POLE: variants seen among roughly 807,000 people sequenced by gnomAD.
POLE encodes the protein DNA polymerase epsilon, catalytic subunit, also known as DNA polymerase epsilon catalytic subunit A.
A neutral mutation model predicts 279.2 loss-of-function variants in POLE; 188 were observed. The observed-to-expected ratio is 0.67, with a 90% confidence interval of 0.60 to 0.76. The LOEUF is 0.76. Among genes scored for constraint, POLE ranks in the 30% least tolerant of loss-of-function variants. The probability of loss-of-function intolerance (pLI) is 0.00; values close to 1 mark genes in which losing one functional copy is unlikely to be tolerated. For synonymous variants in POLE, 1,214 were observed against 1,172.5 expected, an observed-to-expected ratio of 1.04 and a Z score of -0.72; for missense variants, 2,703 against 3,016.7, an observed-to-expected ratio of 0.90 and a Z score of 2.44.
intron 26 of POLE, 83 bp from the exon 27 acceptor site, chr12:132,658,053 G>A (rs932179337): frequency 8.9e-5 from 78 of 880,562 alleles, no homozygotes; most frequent in South Asian, 7.6e-4. Flanking sequence ...AATGAACATG[G>A]AAATAAGGAC....
At chr12:132,680,795 T>C (rs1270824489) in intron 2 of POLE, 108 bp from the exon 3 acceptor site, 8 of 846,764 alleles carry the variant, frequency 9.4e-6, no homozygotes, top group Non-Finnish European at 1.4e-5. Flanking sequence ...AACCCTCTCA[T>C]CTAGGTCTTT....
At position 132,649,333 on chromosome 12, in the gene POLE, G is replaced by A. The variant is rs755659438; in HGVS notation, c.3978C>T (p.Ile1326=). The change falls in exon 31 of 49, where the codon ATC becomes ATT. Residue 1326 remains isoleucine, a synonymous_variant. Transcript: ENST00000320574. The part of the protein sequence containing the change: ...GSFLRRTARS[I]LDLPWQIVQI... ...GCACAATCTGCCACGGAAGGTCCAGGATGCTGCGGGCAGTTCTTCGCAAGA... is the reference window on the plus strand; with the variant it reads ...GCACAATCTGCCACGGAAGGTCCAGAATGCTGCGGGCAGTTCTTCGCAAGA... 1.9e-5 allele frequency: 30 copies of A among 1,613,570 alleles called. No individual in the cohort carries two copies. The highest frequency in any genetic ancestry group is 2.5e-5 in the Non-Finnish European group (29 of 1,180,054).
chr12:132,676,616 T>G lies in POLE; in HGVS notation c.839A>C (p.Lys280Thr). The change falls in exon 9 of 49, where the codon AAA becomes ACA. Residue 280 changes from lysine to threonine, a missense_variant. Coordinates refer to ENST00000320574, the MANE Select transcript of POLE (RefSeq NM_006231.4). ...AGCATCAGGAAACTTGAGGGGCAGT[T>G]TGGTCGTCTCAATGTCAAATGCCAA... The part of the protein sequence containing the change: ...VVLAFDIETT[K>T]LPLKFPDAET... 1 of 1,613,940 alleles carries G rather than the reference T, an allele frequency of 6.2e-7. No homozygotes were observed. Among genetic ancestry groups the G allele is most frequent in the Non-Finnish European group, 8.5e-7 (1 of 1,179,880 alleles).
In POLE at chr12:132,634,497, T is replaced by C; in HGVS notation, c.5812-119A>G. 2.1e-6 allele frequency: 2 copies of C among 965,594 alleles called. No homozygotes were observed. The highest frequency in any genetic ancestry group is 3.1e-6 in the Non-Finnish European group (2 of 635,288). 59.8% of individuals were successfully genotyped at this position (965,594 alleles called of 1,614,324 possible). A position where few individuals can be genotyped will look rare whatever the true frequency, so the allele number is the denominator to read the frequency against. ...ATCTGCCCCGTTTGACCAGAGGCCT[T>C]CCTCGCAGTCAAGGCATCCCCTGGA... On this transcript the variant is annotated intron_variant, in intron 42 of 48. Transcript: ENST00000320574. The surrounding 1 kb of genome is among the most constrained non-coding windows in gnomAD (Gnocchi z 4.0).
chr12:132,670,325 G>A (rs967177608), intron 16 of POLE, among the ~76,000 whole-genome samples: 12 of 151,686 alleles, frequency 7.9e-5, no homozygotes, highest in African/African-American at 7.3e-5. Context: ...GTGGTGAGCC[G>A]AGATCATGCC....
In POLE at chr12:132,624,314, T is replaced by C; in HGVS notation, c.*383A>G. 1 of 298,138 alleles carries C rather than the reference T, an allele frequency of 3.4e-6. No individual in the cohort carries two copies. The highest frequency in any genetic ancestry group is 4.6e-5 in the Admixed American group (1 of 21,654). The allele number at this position is 298,138 out of a possible 1,614,324, so 18.5% of individuals were successfully genotyped here. Reference sequence around the variant, plus strand: ...GGAGCCAGAAGCCCCCAGGGGCTTTTCCTCCCTCTGGGAGGCAGGACAAAG... The same window carrying C: ...GGAGCCAGAAGCCCCCAGGGGCTTTCCCTCCCTCTGGGAGGCAGGACAAAG... On this transcript the variant is annotated 3_prime_UTR_variant, in exon 49 of 49. Coordinates refer to ENST00000320574, the MANE Select transcript of POLE (RefSeq NM_006231.4).
rs1360117776 is a variant in POLE at position 132,636,440 on chromosome 12, GGAAAAAAA to G, written c.5679-424_5679-417del. Among the ~76,000 whole-genome samples the G allele has an allele frequency of 6.4e-3, 447 of 70,366 alleles. 2 individuals are homozygous for G. The highest frequency in any genetic ancestry group is 0.013 in the African/African-American group (273 of 20,268). 46.2% of individuals were successfully genotyped at this position (70,366 alleles called of 152,430 possible). A position where few individuals can be genotyped will look rare whatever the true frequency, so the allele number is the denominator to read the frequency against. On this transcript the variant is annotated intron_variant, in intron 41 of 48. Coordinates refer to ENST00000320574, the MANE Select transcript of POLE (RefSeq NM_006231.4). ...TCCTCTGCACATTAGATCCATTTAAGGAAAAAAAAAAAAAAAAAAAAAAAAAAAGAACA... is the reference window on the plus strand; with the variant it reads ...TCCTCTGCACATTAGATCCATTTAAGAAAAAAAAAAAAAAAAAAAAGAACA...
rs200719983 is a variant in POLE at position 132,666,756 on chromosome 12, C to T, written c.2319+747G>A. Among the ~76,000 whole-genome samples, 7 of 152,230 alleles carry T rather than the reference C, an allele frequency of 4.6e-5. No homozygotes were observed. In the East Asian group the frequency reaches 5.8e-4, roughly 13 times the overall value. Reference sequence around the variant, plus strand: ...ACTGTTTGATGGAGATAAGAGTTTCCGTTTCAGAAGGCGAAGAATTCTGGA... The same window carrying T: ...ACTGTTTGATGGAGATAAGAGTTTCTGTTTCAGAAGGCGAAGAATTCTGGA... On this transcript the variant is annotated intron_variant, in intron 20 of 48. Transcript: ENST00000320574.
chr12:132,649,551 G>A (rs2138611036), intron 30 of POLE, 36 bp from the exon 31 acceptor site: 10 of 1,603,820 alleles, frequency 6.2e-6, no homozygotes, highest in Non-Finnish European at 7.7e-6. Context: ...GTGTGCAAGT[G>A]GTGAGATGGG....
At position 132,668,359 on chromosome 12, in the gene POLE, C is replaced by T. The variant is rs866871212; in HGVS notation, c.2170G>A (p.Ala724Thr). 6.4e-7 allele frequency: 1 copy of T among 1,570,816 alleles called. No homozygotes were observed. The change falls in exon 19 of 49, where the codon GCG (alanine) becomes ACG (threonine). Residue 724 changes from alanine (A) to threonine (T), a missense_variant. Physicochemically the swap from Ala to Thr is moderately conservative, Grantham distance 58. Around this residue, in one of 5 missense-constraint regions of POLE, gnomAD observed 1,011 missense variants for 1,111.7 expected, o/e 0.91. Coordinates refer to ENST00000320574, the MANE Select transcript of POLE (RefSeq NM_006231.4). The surrounding 1 kb of genome is among the most constrained non-coding windows in gnomAD (Gnocchi z 4.0). Reference protein sequence around the residue: ...EQAKYEKRRLADYCRKAYKKI... With the variant: ...EQAKYEKRRLTDYCRKAYKKI... ...GTGACCATGCCCAGGCACTCACCCG[C>T]CAGCCTTCTCTTCTCGTATTTCGCC...
intron 32 of POLE, among the ~76,000 whole-genome samples, chr12:132,644,295 G>A (rs2042224922): frequency 6.6e-6 from 1 of 151,554 alleles, no homozygotes; most frequent in Non-Finnish European, 1.5e-5. Context: ...CTGAGTAGCT[G>A]GGACAAGGAA....
At chr12:132,646,975 A>G (rs1176932447) in intron 32 of POLE, among the ~76,000 whole-genome samples, 1 of 152,194 alleles carries the variant, frequency 6.6e-6, no homozygotes. Flanking sequence ...CTGGGATTAC[A>G]GATATGCAGC....
chr12:132,652,551 T>A (rs1448702164), intron 29 of POLE, among the ~76,000 whole-genome samples: 1 of 152,152 alleles, frequency 6.6e-6, no homozygotes, highest in Admixed American at 6.5e-5. Context: ...CTGGAACTTC[T>A]GGGCTCAACT....
At position 132,672,637 on chromosome 12, in the gene POLE, C is replaced by T. The variant is rs766276875; in HGVS notation, c.1676G>A (p.Arg559Gln). 9 of 1,613,884 alleles carry T rather than the reference C, an allele frequency of 5.6e-6. No individual in the cohort carries two copies. In the African/African-American group the frequency reaches 6.7e-5, roughly 12 times the overall value. ...SGVFRSDIPCRFRMNPAAFDF... is the reference protein window; with the variant it reads ...SGVFRSDIPCQFRMNPAAFDF... ...AGGGAAGAAGCACACCATCCTAAACCGGCAAGGGATATCGCTGCGGAAAAC... is the reference window on the plus strand; with the variant it reads ...AGGGAAGAAGCACACCATCCTAAACTGGCAAGGGATATCGCTGCGGAAAAC... Residue 559 changes from arginine to glutamine, a missense_variant, in exon 15 of 49, where the codon CGG becomes CAG. Physicochemically the swap from Arg to Gln is conservative, Grantham distance 43 (BLOSUM62 1). This residue lies in a region of POLE where 1,011 missense variants were observed against 1,111.7 expected (regional missense o/e 0.91). Coordinates refer to ENST00000320574, the MANE Select transcript of POLE (RefSeq NM_006231.4).
intron 25 of POLE, chr12:132,660,612 A>G (rs1200069434): frequency 1.1e-5 from 2 of 180,914 alleles, no homozygotes; most frequent in Admixed American, 1.2e-4. Flanking sequence ...ACAAAGTAAC[A>G]TAGAAATAAA....
intron 9 of POLE, 134 bp from the exon 10 acceptor site, chr12:132,676,338 G>A: frequency 1.3e-6 from 1 of 742,416 alleles, no homozygotes; most frequent in Non-Finnish European, 2.3e-6. Context: ...AGTGCTTTAA[G>A]CTTCCTGAGA....
chr12:132,635,996 G>A lies in POLE; in HGVS notation c.5707C>T (p.Leu1903=), dbSNP rs5744990. 248,941 of 1,613,292 alleles carry A rather than the reference G, an allele frequency of 0.15. 19,799 individuals carry two copies. The highest frequency in any genetic ancestry group is 0.21 in the Admixed American group (12,781 of 59,934). The change falls in exon 42 of 49, where the codon CTG becomes TTG. Residue 1903 remains leucine, a synonymous_variant. Coordinates refer to ENST00000320574, the MANE Select transcript of POLE (RefSeq NM_006231.4). ...CAGCATCGAGAGAAAGAAATTGTCA[G>A]AGAATGGAAGGTCTCCTTTGAATGG... ...SIHSKETFHS[L]TISFSRCWEF... is the part of the protein sequence containing the mutation.
chr12:132,658,286 G>A (rs1371528673), intron 26 of POLE: 10 of 283,938 alleles, frequency 3.5e-5, no homozygotes, highest in Admixed American at 2.0e-4. Flanking sequence ...GAGTAACCAC[G>A]TGCATGCGTA....
intron 16 of POLE, 75 bp downstream of exon 16, chr12:132,672,140 C>T (rs1030223015): frequency 2.5e-5 from 25 of 1,008,388 alleles, no homozygotes; most frequent in African/African-American, 1.7e-4. Context: ...GCACAATAAA[C>T]GTGCTGCTGA....
Sources: allele counts gnomAD v4.1 joint callset (sites outside exome capture counted in the v4.1 genomes callset), GRCh38; gene constraint gnomAD v4.1.1; regional missense constraint gnomAD v4.1.1; non-coding constraint Gnocchi (gnomAD v3.1); transcripts MANE v1.5; gene names NCBI Gene and HGNC (gene_info 2026-07-23, HGNC 2026-07-21).